KIF15: variants seen among roughly 807,000 people sequenced by gnomAD.
KIF15 encodes kinesin family member 15, also known as kinesin-like protein KIF15.
KIF15 carries 140 observed loss-of-function variants against 190.6 expected under a neutral mutation model. The ratio of observed to expected loss-of-function variants is 0.73; its 90% CI spans 0.64 to 0.84. The LOEUF is 0.84. KIF15 is among the 40% of genes least tolerant of loss of function. The pLI, the probability that KIF15 is intolerant of heterozygous loss-of-function variation, is 0.00. For missense variants in KIF15, 1,372 were observed against 1,584.4 expected (o/e 0.87, Z 2.28); for synonymous variants, 528 against 551.3 (o/e 0.96, Z 0.59).
intron 6 of KIF15, among the ~76,000 whole-genome samples, chr3:44,868,343 A>G (rs1699342569): frequency 6.6e-6 from 1 of 151,922 alleles, no homozygotes; most frequent in African/African-American, 2.4e-5. Context: ...CTACCACATT[A>G]TGTTTATACA....
chr3:44,829,837 A>G (rs191086056), intron 24 of KIF15, 134 bp from the exon 25 acceptor site: 2 of 198,822 alleles, frequency 1.0e-5, no homozygotes, highest in Admixed American at 6.3e-5. Context: ...AATTGATACT[A>G]ATGTGACATA....
chr3:44,833,234 C>T (rs1698155871), intron 26 of KIF15, among the ~76,000 whole-genome samples: 1 of 152,032 alleles, frequency 6.6e-6, no homozygotes. Context: ...GCCTTTTTGG[C>T]ACCAGGGACC....
At chr3:44,850,511 TG>T (rs1222565859) in intron 32 of KIF15, among the ~76,000 whole-genome samples, 1 of 152,212 alleles carries the variant, frequency 6.6e-6, no homozygotes, top group Non-Finnish European at 1.5e-5. Flanking sequence ...ATGCTGTCTC[TG>T]GAACATACAG....
intron 32 of KIF15, among the ~76,000 whole-genome samples, chr3:44,849,221 C>T (rs1559594862): frequency 6.6e-6 from 1 of 151,966 alleles, no homozygotes. Flanking sequence ...CATCATATAC[C>T]CTCTTGCATA....
chr3:44,814,871 T>C, intron 19 of KIF15, 40 bp from the exon 20 acceptor site: 5 of 1,518,894 alleles, frequency 3.3e-6, no homozygotes, highest in Non-Finnish European at 4.4e-6. Flanking sequence ...TTTGTCTGCT[T>C]TAAGAAACCT....
At chr3:44,779,714 G>C (rs1364638143) in intron 4 of KIF15, among the ~76,000 whole-genome samples, 1 of 150,096 alleles carries the variant, frequency 6.7e-6, no homozygotes, top group African/African-American at 2.5e-5. Context: ...GATGCCTGTA[G>C]TCCCAGCTAC....
At chr3:44,830,129 CTT>C in intron 25 of KIF15, 54 bp downstream of exon 25, 1 of 927,918 alleles carries the variant, frequency 1.1e-6, no homozygotes, top group Non-Finnish European at 1.6e-6. Context: ...ACTTCACAGA[CTT>C]TTCAAGAGTT....
At position 44,812,221 on chromosome 3, in the gene KIF15, G is replaced by A. The variant is rs1485821632; in HGVS notation, c.2209G>A (p.Glu737Lys). ...TCTTCAAGCCAAACTGGATGAAGAA[G>A]AGCATAAAAACCTAAAGCTTCAGCA... The part of the protein sequence containing the change: ...SALQAKLDEE[E>K]HKNLKLQQHV... The change falls in exon 18 of 35, where the codon GAG becomes AAG. Residue 737 changes from glutamate to lysine, a missense_variant. Physicochemically the swap from Glu to Lys is moderately conservative, Grantham distance 56. Coordinates refer to ENST00000326047, the MANE Select transcript of KIF15 (RefSeq NM_020242.3). 7 of 1,613,976 alleles carry A rather than the reference G, an allele frequency of 4.3e-6. No individual in the cohort carries two copies. The highest frequency in any genetic ancestry group is 2.2e-5 in the East Asian group (1 of 44,876).
At chr3:44,800,232 A>T (rs191343623) in intron 10 of KIF15, 82 bp from the exon 11 acceptor site, 1 of 1,357,174 alleles carries the variant, frequency 7.4e-7, no homozygotes, top group African/African-American at 1.5e-5. Context: ...CATCACTACA[A>T]ATCATACCAA....
intron 1 of KIF15, among the ~76,000 whole-genome samples, chr3:44,763,647 CTG>C (rs1705253427): frequency 6.6e-6 from 1 of 151,804 alleles, no homozygotes; most frequent in Admixed American, 6.6e-5. Flanking sequence ...GAGTTGCTGA[CTG>C]TGAAATCAGA....
chr3:44,815,427 TC>T (rs1047376500), intron 20 of KIF15, among the ~76,000 whole-genome samples: 1 of 152,194 alleles, frequency 6.6e-6, no homozygotes, highest in African/African-American at 2.4e-5. Context: ...AAATTCTCTC[TC>T]CCAATAGCCA....
chr3:44,819,090 T>G (rs895001555), intron 20 of KIF15, among the ~76,000 whole-genome samples: 1 of 152,146 alleles, frequency 6.6e-6, no homozygotes, highest in African/African-American at 2.4e-5. Context: ...GGTGGTGATA[T>G]CCCCTTTATC....
chr3:44,799,949 C>T (rs1707186799), intron 10 of KIF15, among the ~76,000 whole-genome samples: 1 of 152,032 alleles, frequency 6.6e-6, no homozygotes, highest in Non-Finnish European at 1.5e-5. Context: ...AAATGATACT[C>T]ACTGAGGTAT....
intron 17 of KIF15, among the ~76,000 whole-genome samples, chr3:44,811,695 G>C (rs532640450): frequency 3.3e-5 from 5 of 152,290 alleles, no homozygotes; most frequent in East Asian, 3.9e-4. Context: ...ATTTTAGACA[G>C]TTTTTAATAT....
intron 24 of KIF15, among the ~76,000 whole-genome samples, chr3:44,829,201 C>A (rs898609691): frequency 6.7e-6 from 1 of 150,262 alleles, no homozygotes; most frequent in Non-Finnish European, 1.5e-5. Context: ...ACTAAAAATA[C>A]AAAAAATTAG....
intron 13 of KIF15, 124 bp downstream of exon 13, chr3:44,802,098 G>A (rs1299419148): frequency 1.6e-6 from 1 of 641,762 alleles, no homozygotes; most frequent in Admixed American, 3.0e-5. Context: ...TTCTGACAGT[G>A]TGATTGCATA....
intron 5 of KIF15, 59 bp from the exon 6 acceptor site, chr3:44,784,786 A>G: frequency 1.1e-6 from 1 of 907,102 alleles, no homozygotes; most frequent in Non-Finnish European, 1.7e-6. Flanking sequence ...GTAAATTGCC[A>G]TTTTGAAAGA....
At chr3:44,763,233 A>T (rs1705223618) in intron 1 of KIF15, among the ~76,000 whole-genome samples, 1 of 152,220 alleles carries the variant, frequency 6.6e-6, no homozygotes, top group African/African-American at 2.4e-5. Flanking sequence ...TGAAGTGGGA[A>T]CACATGGGAG....
chr3:44,784,338 A>AC (rs1185545366), intron 5 of KIF15, among the ~76,000 whole-genome samples: 3 of 150,816 alleles, frequency 2.0e-5, no homozygotes, highest in East Asian at 3.9e-4. Context: ...ACGCCCGGCT[A>AC]CTTTTTTTTT....
Sources: gnomAD v4.1 joint callset for allele counts (sites outside exome capture counted in the v4.1 genomes callset) on GRCh38, gnomAD v4.1.1 for gene constraint, MANE v1.5 for transcripts, NCBI Gene and HGNC (gene_info 2026-07-23, HGNC 2026-07-21) for gene names.